ISM2: variants seen among roughly 807,000 people sequenced by gnomAD.
ISM2 encodes isthmin 2.
In ISM2, 50 loss-of-function variants were observed where a neutral mutation model predicts 58.0. The ratio of observed to expected loss-of-function variants is 0.86; its 90% CI spans 0.69 to 1.09. The LOEUF (loss-of-function observed/expected upper bound fraction) is 1.09, where lower values mean the gene tolerates loss of function less well. Among genes scored for constraint, ISM2 ranks in the 50% least tolerant of loss-of-function variants. ISM2 has a pLI of 0.00. For missense variants in ISM2, 723 were observed against 745.0 expected (o/e 0.97, Z 0.34); for synonymous variants, 303 against 312.4 (o/e 0.97, Z 0.32).
chr14:77,498,786 G>C lies in ISM2; in HGVS notation c.8C>G (p.Ala3Gly), dbSNP rs1282379913. Residue 3 changes from alanine to glycine, a missense_variant, in exon 1 of 7, where the codon GCG becomes GGG. Coordinates refer to ENST00000342219, the MANE Select transcript of ISM2 (RefSeq NM_199296.3). ...GAGGAGCCCGGCTCGGTCGCGGAGC[G>C]CACGCATCGTCTCGGTTCCGAGGCT... MR[A>G]LRDRAGLLLC... 6.9e-7 allele frequency: 1 copy of C among 1,445,842 alleles called. No homozygotes were observed. The highest frequency in any genetic ancestry group is 9.0e-7 in the Non-Finnish European group (1 of 1,108,970). 89.6% of individuals were successfully genotyped at this position (1,445,842 alleles called of 1,614,324 possible). A position where few individuals can be genotyped will look rare whatever the true frequency, so the allele number is the denominator to read the frequency against.
chr14:77,474,590 C>T lies in ISM2; in HGVS notation c.*1005G>A, dbSNP rs2079084797. Reference sequence around the variant, plus strand: ...GGCAGGGAAGAGGCATGAGGTGTGCCGGGAGAGCGATTATGTGCATCTCTT... The same window carrying T: ...GGCAGGGAAGAGGCATGAGGTGTGCTGGGAGAGCGATTATGTGCATCTCTT... On this transcript the variant is annotated 3_prime_UTR_variant, in exon 7 of 7. Coordinates refer to ENST00000342219, the MANE Select transcript of ISM2 (RefSeq NM_199296.3). 1 of 152,332 alleles carries T rather than the reference C, an allele frequency of 6.6e-6. No homozygotes were observed. Among genetic ancestry groups the T allele is most frequent in the South Asian group, 2.1e-4 (1 of 4,824 alleles). The allele number at this position is 152,332 out of a possible 1,614,324, so 9.4% of individuals were successfully genotyped here.
chr14:77,497,509 AC>A (rs113646168), intron 1 of ISM2, among the ~76,000 whole-genome samples: 27 of 150,474 alleles, frequency 1.8e-4, no homozygotes, highest in African/African-American at 4.7e-4. Flanking sequence ...ACACAGTGAG[AC>A]CCCCCCATCT....
chr14:77,485,129 C>G (rs1004710113), intron 1 of ISM2, among the ~76,000 whole-genome samples: 1 of 152,218 alleles, frequency 6.6e-6, no homozygotes, highest in Non-Finnish European at 1.5e-5. Flanking sequence ...GAGGGTGTAG[C>G]TGGTCAGACA....
rs180774105 is a variant in ISM2, at chr14:77,493,875, C to T, written c.141+4778G>A. Among the ~76,000 whole-genome samples, 380 of 151,046 alleles carry T rather than the reference C, an allele frequency of 2.5e-3. 3 individuals carry two copies. The highest frequency in any genetic ancestry group is 9.0e-3 in the African/African-American group (371 of 41,158). On this transcript the variant is annotated intron_variant, in intron 1 of 6. Coordinates refer to ENST00000342219, the MANE Select transcript of ISM2 (RefSeq NM_199296.3). ...CAAGCTCGGTCTCCCGGGTTCACGCCGTTCTCCTGCCTCAGCCTCCCGAGT... is the reference window on the plus strand; with the variant it reads ...CAAGCTCGGTCTCCCGGGTTCACGCTGTTCTCCTGCCTCAGCCTCCCGAGT...
chr14:77,483,627 T>C (rs955088752), intron 3 of ISM2, among the ~76,000 whole-genome samples: 12 of 151,082 alleles, frequency 7.9e-5, no homozygotes, highest in Non-Finnish European at 1.3e-4. Flanking sequence ...TTTTTGCGTG[T>C]GCGTGTGCGT....
intron 3 of ISM2, 124 bp downstream of exon 3, chr14:77,484,199 T>G: frequency 7.7e-7 from 1 of 1,301,172 alleles, no homozygotes; most frequent in South Asian, 1.4e-5. Flanking sequence ...GAGCCTGCCC[T>G]CTGACCCCAC....
At chr14:77,498,610 G>C (rs2139978830) in intron 1 of ISM2, 43 bp downstream of exon 1, 1 of 1,406,096 alleles carries the variant, frequency 7.1e-7, no homozygotes, top group African/African-American at 1.5e-5. Flanking sequence ...TGGGGAGGTG[G>C]GACCGACAGC....
intron 1 of ISM2, among the ~76,000 whole-genome samples, chr14:77,487,532 G>A (rs573746559): frequency 1.3e-5 from 2 of 152,320 alleles, no homozygotes; most frequent in South Asian, 2.1e-4. Flanking sequence ...CATAGGGTGG[G>A]CAAAGGCCAG....
intron 4 of ISM2, among the ~76,000 whole-genome samples, 197 bp downstream of exon 4, chr14:77,482,125 T>TAAA (rs371621754): frequency 7.3e-6 from 1 of 137,656 alleles, no homozygotes; most frequent in East Asian, 2.1e-4. Flanking sequence ...ATTAAAAAAT[T>TAAA]AAAAAAAAAA....
intron 6 of ISM2, 81 bp downstream of exon 6, chr14:77,478,161 T>C (rs1303556692): frequency 8.6e-7 from 1 of 1,163,138 alleles, no homozygotes; most frequent in East Asian, 2.4e-5. Flanking sequence ...GAAGCCAGGT[T>C]CCTGCCATGG....
At chr14:77,493,754 G>A (rs1017573643) in intron 1 of ISM2, among the ~76,000 whole-genome samples, 6 of 144,984 alleles carry the variant, frequency 4.1e-5, no homozygotes, top group East Asian at 2.2e-4. Context: ...GAGCCACTGC[G>A]GCCAGCCGAA....
At chr14:77,492,518 T>G (rs930448169) in intron 1 of ISM2, among the ~76,000 whole-genome samples, 1 of 4,556 alleles carries the variant, frequency 2.2e-4, no homozygotes, top group African/African-American at 3.8e-4. Flanking sequence ...GCCCCAGCCT[T>G]TTTTTTTTTT....
At chr14:77,483,644 GTGTGTGTGTGTGTGTC>G (rs2079147468) in intron 3 of ISM2, among the ~76,000 whole-genome samples, 1 of 141,708 alleles carries the variant, frequency 7.1e-6, no homozygotes, top group African/African-American at 3.1e-5. Flanking sequence ...GCGTGTGTGC[GTGTGTGTGTGTGTGTC>G]TGTGTGTGTG....
chr14:77,496,143 A>G (rs1210098758), intron 1 of ISM2, among the ~76,000 whole-genome samples: 2 of 147,168 alleles, frequency 1.4e-5, no homozygotes, highest in African/African-American at 5.1e-5. Flanking sequence ...TGAACTTGGA[A>G]GGTGGAGGAT....
Position 77,475,514 on chromosome 14 carries a change from G to A in ISM2, c.*81C>T. The A allele has an allele frequency of 7.2e-7, 1 of 1,389,926 alleles. No homozygotes were observed. 86.1% of individuals were successfully genotyped at this position (1,389,926 alleles called of 1,614,324 possible). ...CCCTTTCCTCACCCTGTCTGGGCAG[G>A]GGCGGGTGAGGAAAGTTCTCCCGTG... On this transcript the variant is annotated 3_prime_UTR_variant, in exon 7 of 7. Coordinates refer to ENST00000342219, the MANE Select transcript of ISM2 (RefSeq NM_199296.3). The surrounding 1 kb of genome is among the most constrained non-coding windows in gnomAD (Gnocchi z 4.1).
At position 77,482,602 on chromosome 14, in the gene ISM2, G is replaced by A; in HGVS notation, c.693C>T (p.Ser231=). The part of the protein sequence containing the change: ...EVSIDLLAEP[S]NPPPQDTLSW... ...TAAGGGTATCCTGGGGCGGGGGATT[G>A]CTGGGCTCAGCCAACAGGTCTATCG... is the stretch of plus-strand genomic sequence containing the variant. The change falls in exon 4 of 7, where the codon AGC becomes AGT. Residue 231 remains serine (S), a synonymous_variant. Transcript: ENST00000342219. The A allele has an allele frequency of 6.2e-7, 1 of 1,608,020 alleles. No individual in the cohort carries two copies. Among genetic ancestry groups the A allele is most frequent in the Non-Finnish European group, 8.5e-7 (1 of 1,177,188 alleles).
Position 77,475,441 on chromosome 14 carries a change from G to A in ISM2, c.*154C>T. On this transcript the variant is annotated 3_prime_UTR_variant, in exon 7 of 7. Coordinates refer to ENST00000342219, the MANE Select transcript of ISM2 (RefSeq NM_199296.3). The surrounding 1 kb of genome is among the most constrained non-coding windows in gnomAD (Gnocchi z 4.1). ...AACCCCACTGAGATATCTGCTTCGGGGTCGCTGGCAGAGGGCACACAGCCT... is the reference window on the plus strand; with the variant it reads ...AACCCCACTGAGATATCTGCTTCGGAGTCGCTGGCAGAGGGCACACAGCCT... 1.5e-6 allele frequency: 1 copy of A among 679,574 alleles called. No homozygotes were observed. The highest frequency in any genetic ancestry group is 2.2e-5 in the South Asian group (1 of 45,342). 42.1% of individuals were successfully genotyped at this position (679,574 alleles called of 1,614,324 possible). A position where few individuals can be genotyped will look rare whatever the true frequency, so the allele number is the denominator to read the frequency against.
chr14:77,491,152 G>C (rs755269949), intron 1 of ISM2, among the ~76,000 whole-genome samples: 1 of 152,222 alleles, frequency 6.6e-6, no homozygotes, highest in Non-Finnish European at 1.5e-5. Flanking sequence ...ACAATGGACC[G>C]GGACTGAAGT....
In ISM2 at chr14:77,498,755, G is replaced by A. The variant is rs532557527; in HGVS notation, c.39C>T (p.Cys13=). The part of the protein sequence containing the change: ...ALRDRAGLLL[C]VLLLAALLEA... ...CCAGCAGCGCCGCCAGCAGCAGCACGCAGAGGAGGAGCCCGGCTCGGTCGC... is the reference window on the plus strand; with the variant it reads ...CCAGCAGCGCCGCCAGCAGCAGCACACAGAGGAGGAGCCCGGCTCGGTCGC... Residue 13 remains cysteine, a synonymous_variant, in exon 1 of 7, where the codon TGC becomes TGT. Transcript: ENST00000342219. The A allele has an allele frequency of 3.6e-4, 533 of 1,479,238 alleles. No homozygotes were observed. In the Middle Eastern group the frequency reaches 4.3e-3, roughly 12 times the overall value. 91.6% of individuals were successfully genotyped at this position (1,479,238 alleles called of 1,614,324 possible). A position where few individuals can be genotyped will look rare whatever the true frequency, so the allele number is the denominator to read the frequency against.
Sources: allele counts gnomAD v4.1 joint callset (sites outside exome capture counted in the v4.1 genomes callset), GRCh38; gene constraint gnomAD v4.1.1; non-coding constraint Gnocchi (gnomAD v3.1); transcripts MANE v1.5; gene names NCBI Gene and HGNC (gene_info 2026-07-23, HGNC 2026-07-21).